The following HRH1 variants were observed in gnomAD, a reference collection of about 807,000 sequenced individuals.
The protein encoded by HRH1 is histamine receptor H1.
Under a neutral mutation model 10.3 loss-of-function variants are expected in HRH1, and 6 were observed. That is an observed-to-expected ratio of 0.58 (90% CI 0.32 to 1.15). The LOEUF (loss-of-function observed/expected upper bound fraction) is 1.15, where lower values mean the gene tolerates loss of function less well. Among genes scored for constraint, HRH1 ranks in the 50% most tolerant of loss-of-function variants. HRH1 has a pLI of 0.05. For synonymous variants in HRH1, 242 were observed against 236.7 expected, an observed-to-expected ratio of 1.02 and a Z score of -0.21; for missense variants, 514 against 615.3, an observed-to-expected ratio of 0.84 and a Z score of 1.74.
At chr3:11,232,149 A>G (rs954387263) in intron 1 of HRH1, among the ~76,000 whole-genome samples, 27 of 151,874 alleles carry the variant, frequency 1.8e-4, no homozygotes, top group African/African-American at 6.3e-4. Flanking sequence ...CACCGTGCCC[A>G]GCTAATTTTT....
intron 1 of HRH1, among the ~76,000 whole-genome samples, chr3:11,233,343 T>G (rs188263808): frequency 1.5e-3 from 228 of 152,356 alleles, no homozygotes; most frequent in African/African-American, 5.2e-3. Context: ...TCTATTGTTT[T>G]ATCTTCCAGT....
At position 11,249,223 on chromosome 3, in the gene HRH1, C is replaced by T. The variant is rs142670932; in HGVS notation, c.-35-9780C>T. Among the ~76,000 whole-genome samples, 541 of 151,694 alleles carry T rather than the reference C, an allele frequency of 3.6e-3. 5 individuals carry two copies. The highest frequency in any genetic ancestry group is 0.01 in the Middle Eastern group (3 of 294). On this transcript the variant is annotated intron_variant, in intron 1 of 1. Coordinates refer to ENST00000431010, the MANE Select transcript of HRH1 (RefSeq NM_001098212.2). ...CATCCTGGATAACACAGTGAAACCC[C>T]GTCTCTACTAAAAATAAAAAATAAA...
chr3:11,255,001 G>A (rs1305407110), intron 1 of HRH1, among the ~76,000 whole-genome samples: 3 of 152,202 alleles, frequency 2.0e-5, no homozygotes, highest in Non-Finnish European at 4.4e-5. Context: ...GGAAGGAAGA[G>A]GAACTATCCG....
At chr3:11,235,489 G>C (rs1410265862) in intron 1 of HRH1, among the ~76,000 whole-genome samples, 8 of 152,058 alleles carry the variant, frequency 5.3e-5, no homozygotes, top group Non-Finnish European at 1.2e-4. Context: ...CACTGTTGCT[G>C]AGCAGATGTG....
chr3:11,201,180 T>C (rs1937892493), intron 1 of HRH1, among the ~76,000 whole-genome samples: 1 of 152,152 alleles, frequency 6.6e-6, no homozygotes, highest in South Asian at 2.1e-4. Context: ...TCTCAGAGGA[T>C]CCCCTCAGTC....
intron 1 of HRH1, among the ~76,000 whole-genome samples, chr3:11,138,989 C>CTTTTTTTTTTTTTTT (rs35542980): frequency 7.1e-6 from 1 of 140,080 alleles, no homozygotes. Context: ...CTGCATTGTT[C>CTTTTTTTTTTTTTTT]TTTTTTTTTT....
intron 1 of HRH1, among the ~76,000 whole-genome samples, chr3:11,239,537 G>C (rs973603646): frequency 6.6e-5 from 10 of 152,128 alleles, no homozygotes; most frequent in African/African-American, 2.4e-4. Context: ...CAATTTAGCA[G>C]TTTTTAAAAA....
intron 1 of HRH1, among the ~76,000 whole-genome samples, chr3:11,188,044 G>A (rs1937477944): frequency 6.6e-6 from 1 of 152,166 alleles, no homozygotes; most frequent in Admixed American, 6.5e-5. Context: ...AGTCAGCAAA[G>A]AGATACAAAT....
upstream of HRH1, among the ~76,000 whole-genome samples, chr3:11,153,620 T>C (rs574079548): frequency 3.3e-5 from 5 of 151,510 alleles, no homozygotes; most frequent in East Asian, 9.8e-4. Flanking sequence ...AAGGTTCAAA[T>C]GGAGTTTTCC....
At chr3:11,168,340 C>T (rs1463398748) in intron 1 of HRH1, among the ~76,000 whole-genome samples, 1 of 152,130 alleles carries the variant, frequency 6.6e-6, no homozygotes, top group Non-Finnish European at 1.5e-5. Flanking sequence ...CACTGAGAGC[C>T]TGCAGGGTTC....
At chr3:11,250,034 C>CTTTTTT (rs71055856) in intron 1 of HRH1, among the ~76,000 whole-genome samples, 3 of 60,764 alleles carry the variant, frequency 4.9e-5, no homozygotes, top group African/African-American at 6.3e-5. Context: ...AAGCTTTTCT[C>CTTTTTT]TTTTTTTTTT....
At chr3:11,247,066 A>G (rs1286249581) in intron 1 of HRH1, among the ~76,000 whole-genome samples, 5 of 152,276 alleles carry the variant, frequency 3.3e-5, no homozygotes, top group Non-Finnish European at 7.4e-5. Flanking sequence ...GCTCATGCCT[A>G]TAATCCTAGT....
intron 1 of HRH1, among the ~76,000 whole-genome samples, chr3:11,177,425 C>G (rs1461979159): frequency 6.6e-6 from 1 of 152,166 alleles, no homozygotes; most frequent in Non-Finnish European, 1.5e-5. Flanking sequence ...GCACTTCCCT[C>G]ATTCTTTTGC....
intron 1 of HRH1, among the ~76,000 whole-genome samples, chr3:11,148,810 CTTTTTTTTTTTTT>C (rs755029776): frequency 1.2e-5 from 1 of 84,418 alleles, no homozygotes; most frequent in Non-Finnish European, 2.3e-5. Context: ...AAACCACAGT[CTTTTTTTTTTTTT>C]TTTTTTTTTT....
intron 1 of HRH1, among the ~76,000 whole-genome samples, chr3:11,257,140 C>A (rs977786769): frequency 4.6e-5 from 7 of 150,578 alleles, no homozygotes; most frequent in African/African-American, 1.5e-4. Flanking sequence ...GTAATTGTAG[C>A]TACTCGGGAG....
intron 1 of HRH1, among the ~76,000 whole-genome samples, chr3:11,221,738 A>G (rs914701530): frequency 2.9e-4 from 44 of 152,170 alleles, no homozygotes; most frequent in Admixed American, 7.9e-4. Context: ...CCCATTAAAC[A>G]CTAACTCCCC....
intron 1 of HRH1, among the ~76,000 whole-genome samples, chr3:11,208,023 AAGAATTTAAAACTGTGTTTGCC>A (rs773852286): frequency 1.3e-5 from 2 of 152,208 alleles, no homozygotes; most frequent in Non-Finnish European, 2.9e-5. Context: ...GAGCAGGATG[AAGAATTTAAAACTGTGTTTGCC>A]AAACTTTCAC....
intron 1 of HRH1, among the ~76,000 whole-genome samples, chr3:11,248,812 C>T (rs1939557682): frequency 1.3e-5 from 2 of 152,198 alleles, no homozygotes; most frequent in South Asian, 4.1e-4. Flanking sequence ...TTGCATGACT[C>T]ATTACACCAG....
At chr3:11,148,150 G>C (rs556454198) in intron 1 of HRH1, among the ~76,000 whole-genome samples, 2 of 149,762 alleles carry the variant, frequency 1.3e-5, no homozygotes, top group East Asian at 2.0e-4. Flanking sequence ...ACTGCACTCC[G>C]GCCTAGCAAC....
Sources: allele counts gnomAD v4.1 joint callset (sites outside exome capture counted in the v4.1 genomes callset), GRCh38; gene constraint gnomAD v4.1.1; transcripts MANE v1.5; gene names NCBI Gene and HGNC (gene_info 2026-07-23, HGNC 2026-07-21).